RAB3GAP2: variants seen among roughly 807,000 people sequenced by gnomAD.
The protein encoded by RAB3GAP2 is RAB3 GTPase activating non-catalytic protein subunit 2.
A neutral mutation model predicts 185.3 loss-of-function variants in RAB3GAP2; 87 were observed. That is an observed-to-expected ratio of 0.47 (90% CI 0.39 to 0.56). RAB3GAP2 has a LOEUF of 0.56. Among genes scored for constraint, RAB3GAP2 ranks in the 20% least tolerant of loss-of-function variants. The pLI is 0.00. For synonymous variants in RAB3GAP2, 554 were observed against 576.1 expected, an observed-to-expected ratio of 0.96 and a Z score of 0.55; for missense variants, 1,492 against 1,638.2, an observed-to-expected ratio of 0.91 and a Z score of 1.54.
At chr1:220,163,744 CATATATATAT>C (rs373160821) in intron 27 of RAB3GAP2, among the ~76,000 whole-genome samples, 5,662 of 123,010 alleles carry the variant, frequency 0.046, 445 homozygotes, top group African/African-American at 0.17. Flanking sequence ...TAAATACATA[CATATATATAT>C]ATATATATAT....
chr1:220,185,635 G>C lies in RAB3GAP2; in HGVS notation c.1870+16C>G. 6.3e-7 allele frequency: 1 copy of C among 1,579,956 alleles called. No individual in the cohort carries two copies. Among genetic ancestry groups the C allele is most frequent in the Non-Finnish European group, 8.7e-7 (1 of 1,149,622 alleles). Reference sequence around the variant, plus strand: ...GAGTTAAGAACATAACCTCCAATCAGTACAAACCCTATTACCTTGACTTTT... The same window carrying C: ...GAGTTAAGAACATAACCTCCAATCACTACAAACCCTATTACCTTGACTTTT... On this transcript the variant is annotated intron_variant, in intron 18 of 34. Coordinates refer to ENST00000358951, the MANE Select transcript of RAB3GAP2 (RefSeq NM_012414.4).
At chr1:220,183,860 A>G (rs1363004214) in intron 19 of RAB3GAP2, among the ~76,000 whole-genome samples, 176 bp downstream of exon 19, 8 of 152,202 alleles carry the variant, frequency 5.3e-5, no homozygotes. Flanking sequence ...GCACTTGTAT[A>G]AATAATATAA....
chr1:220,250,998 C>T (rs1659921469), intron 1 of RAB3GAP2, among the ~76,000 whole-genome samples: 1 of 152,120 alleles, frequency 6.6e-6, no homozygotes, highest in Non-Finnish European at 1.5e-5. Context: ...AATACAAGTA[C>T]TTTGGCAGAA....
rs577565396 is a variant in RAB3GAP2, at chr1:220,210,665, C to A, written c.510+136G>T. On this transcript the variant is annotated intron_variant, in intron 6 of 34. Transcript: ENST00000358951. The stretch of plus-strand genomic sequence containing the variant: ...CTACCAGAACTTGCCACGGCCTATC[C>A]CGGCCTCTACCCCCATAAAGAATCA... The A allele has an allele frequency of 5.8e-5, 62 of 1,076,188 alleles. 2 individuals are homozygous for A. In the Admixed American group the frequency reaches 1.2e-3, roughly 21 times the overall value. The allele number at this position is 1,076,188 out of a possible 1,614,324, so 66.7% of individuals were successfully genotyped here.
At chr1:220,234,926 TA>T (rs1275411114) in intron 1 of RAB3GAP2, among the ~76,000 whole-genome samples, 1 of 152,238 alleles carries the variant, frequency 6.6e-6, no homozygotes, top group Admixed American at 6.5e-5. Flanking sequence ...AAATGCTTTA[TA>T]GACATTATTA....
chr1:220,216,000 A>C (rs767724837), intron 2 of RAB3GAP2, among the ~76,000 whole-genome samples: 3 of 152,206 alleles, frequency 2.0e-5, no homozygotes, highest in Non-Finnish European at 2.9e-5. Context: ...CAGTAGTATC[A>C]TATTTCCAGG....
chr1:220,174,568 GCA>G (rs1371642056), intron 21 of RAB3GAP2, among the ~76,000 whole-genome samples: 4 of 152,152 alleles, frequency 2.6e-5, no homozygotes, highest in Non-Finnish European at 5.9e-5. Flanking sequence ...ATTTTAAGAT[GCA>G]CAGTTATTAT....
intron 2 of RAB3GAP2, among the ~76,000 whole-genome samples, chr1:220,220,903 G>C (rs757636164): frequency 3.2e-4 from 48 of 152,150 alleles, no homozygotes; most frequent in Non-Finnish European, 6.5e-4. Flanking sequence ...TTTGTAAATT[G>C]CCCAGTCTCA....
At chr1:220,163,528 A>G (rs1364074490) in intron 27 of RAB3GAP2, among the ~76,000 whole-genome samples, 1 of 151,314 alleles carries the variant, frequency 6.6e-6, no homozygotes, top group African/African-American at 2.4e-5. Flanking sequence ...ATGCCCGGCT[A>G]ATTTTTTATA....
chr1:220,238,455 C>G (rs1283559671), intron 1 of RAB3GAP2, among the ~76,000 whole-genome samples: 1 of 152,164 alleles, frequency 6.6e-6, no homozygotes. Context: ...GTTATATGAT[C>G]TTGGGCAATT....
intron 20 of RAB3GAP2, 33 bp from the exon 21 acceptor site, chr1:220,182,387 T>G (rs1241173153): frequency 1.9e-6 from 3 of 1,613,322 alleles, no homozygotes; most frequent in East Asian, 2.2e-5. Context: ...CATTAATCAA[T>G]GACTACTTAC....
At chr1:220,157,641 A>ATT (rs1270743689) in intron 30 of RAB3GAP2, among the ~76,000 whole-genome samples, 153 bp from the exon 31 acceptor site, 8 of 152,374 alleles carry the variant, frequency 5.3e-5, no homozygotes, top group African/African-American at 1.9e-4. Context: ...TTCAATAAGA[A>ATT]TTTAATAAGA....
chr1:220,181,614 ATTTTGT>A (rs1346419508), intron 21 of RAB3GAP2, among the ~76,000 whole-genome samples: 1 of 152,074 alleles, frequency 6.6e-6, no homozygotes, highest in Non-Finnish European at 1.5e-5. Flanking sequence ...TGGGAAGCTT[ATTTTGT>A]TTTTAAGATA....
chr1:220,174,932 T>C (rs1658259323), intron 21 of RAB3GAP2, among the ~76,000 whole-genome samples: 1 of 152,184 alleles, frequency 6.6e-6, no homozygotes, highest in East Asian at 1.9e-4. Flanking sequence ...TCCTCTCTTC[T>C]AGACTTCCCC....
In RAB3GAP2 at chr1:220,184,060, A is replaced by C. The variant is rs748194134; in HGVS notation, c.1974T>G (p.His658Gln). ...CATTATCAGAGAATGGTGTGTCTAAATGAAAATCAAGGGAATTTAATTGAC... is the reference window on the plus strand; with the variant it reads ...CATTATCAGAGAATGGTGTGTCTAACTGAAAATCAAGGGAATTTAATTGAC... ...SVSQLNSLDF[H>Q]LDTPFSDNDL... Residue 658 changes from histidine to glutamine, a missense_variant, in exon 19 of 35, where the codon CAT becomes CAG. Physicochemically the swap from His to Gln is conservative, Grantham distance 24. Coordinates refer to ENST00000358951, the MANE Select transcript of RAB3GAP2 (RefSeq NM_012414.4). The C allele has an allele frequency of 6.3e-7, 1 of 1,587,920 alleles. No homozygotes were observed.
chr1:220,252,201 C>CTA (rs1053040231), intron 1 of RAB3GAP2, among the ~76,000 whole-genome samples: 4 of 145,806 alleles, frequency 2.7e-5, no homozygotes, highest in African/African-American at 7.6e-5. Context: ...CAAGCTAGAG[C>CTA]TATATATACC....
chr1:220,199,495 T>G (rs1658800525), intron 9 of RAB3GAP2, among the ~76,000 whole-genome samples: 1 of 152,144 alleles, frequency 6.6e-6, no homozygotes, highest in African/African-American at 2.4e-5. Flanking sequence ...ACCTTCTTCT[T>G]TTCTTGAACT....
intron 2 of RAB3GAP2, among the ~76,000 whole-genome samples, chr1:220,221,403 C>T (rs1381602274): frequency 6.6e-6 from 1 of 152,170 alleles, no homozygotes; most frequent in Non-Finnish European, 1.5e-5. Flanking sequence ...AATCAGAACA[C>T]CTGCTTCACT....
chr1:220,224,587 A>G (rs1659370156), intron 2 of RAB3GAP2, among the ~76,000 whole-genome samples: 1 of 152,168 alleles, frequency 6.6e-6, no homozygotes, highest in South Asian at 2.1e-4. Context: ...AACAGGGTAA[A>G]TTAAACACAT....
Sources: gnomAD v4.1 joint callset for allele counts (sites outside exome capture counted in the v4.1 genomes callset) on GRCh38, gnomAD v4.1.1 for gene constraint, MANE v1.5 for transcripts, NCBI Gene and HGNC (gene_info 2026-07-23, HGNC 2026-07-21) for gene names.